The following CCDC183 variants were observed in gnomAD, a reference collection of about 807,000 sequenced individuals.
CCDC183 encodes the protein coiled-coil domain-containing protein 183.
A neutral mutation model predicts 65.2 loss-of-function variants in CCDC183; 63 were observed. The observed-to-expected ratio is 0.97, with a 90% CI of 0.79 to 1.19. The LOEUF (loss-of-function observed/expected upper bound fraction) is 1.19, where lower values mean the gene tolerates loss of function less well. CCDC183 is among the 50% of genes most tolerant of loss of function. The pLI is 0.00. For missense variants in CCDC183, 769 were observed against 689.3 expected, an observed-to-expected ratio of 1.12 and a Z score of -1.30; for synonymous variants, 323 against 276.5, an observed-to-expected ratio of 1.17 and a Z score of -1.67.
intron 6 of CCDC183, among the ~76,000 whole-genome samples, chr9:136,803,743 G>A (rs1847791043): frequency 6.6e-6 from 1 of 152,206 alleles, no homozygotes; most frequent in South Asian, 2.1e-4. Flanking sequence ...TAGGGAGGAG[G>A]AGGTACAACT....
intron 2 of CCDC183, 110 bp from the exon 3 acceptor site, chr9:136,799,603 G>T: frequency 1.1e-6 from 1 of 931,202 alleles, no homozygotes; most frequent in Non-Finnish European, 1.7e-6. Context: ...CAGGGATCTC[G>T]CTACTGGGCT....
chr9:136,797,849 C>G (rs1248761191), intron 1 of CCDC183, among the ~76,000 whole-genome samples: 1 of 152,116 alleles, frequency 6.6e-6, no homozygotes, highest in East Asian at 1.9e-4. Context: ...GAGACAGAGT[C>G]TCGCTCTGTC....
In CCDC183 at chr9:136,806,490, A is replaced by ATG; in HGVS notation, c.1110-13_1110-12insGT. 1 of 1,613,156 alleles carries ATG rather than the reference A, an allele frequency of 6.2e-7. No homozygotes were observed. The highest frequency in any genetic ancestry group is 1.1e-5 in the South Asian group (1 of 91,072). ...CTGTGCCCCTCACTGCTGTGTCCCT[A>ATG]TTGCCTTCTGCAGCTTCAAGTCCGT... On this transcript the variant is annotated splice_polypyrimidine_tract_variant and intron_variant, in intron 10 of 13. Transcript: ENST00000338005.
rs1035655769 is a variant in CCDC183, at chr9:136,804,379, T to C, written c.667-123T>C. 4 of 1,345,240 alleles carry C rather than the reference T, an allele frequency of 3.0e-6. No homozygotes were observed. The highest frequency in any genetic ancestry group is 2.9e-5 in the African/African-American group (2 of 68,222). 83.3% of individuals were successfully genotyped at this position (1,345,240 alleles called of 1,614,324 possible). A position where few individuals can be genotyped will look rare whatever the true frequency, so the allele number is the denominator to read the frequency against. On this transcript the variant is annotated intron_variant, in intron 6 of 13. Coordinates refer to ENST00000338005, the MANE Select transcript of CCDC183 (RefSeq NM_001039374.5). This position sits in a 1 kb window ranked among gnomAD's most constrained non-coding sequence, Gnocchi z 4.1. ...TGGTTTAGGAAAAGGGTGTGGCCAT[T>C]GGCCGGGGATGCAGTTCCAAAGTCT...
intron 8 of CCDC183, chr9:136,805,078 C>T: frequency 1.7e-6 from 1 of 593,640 alleles, no homozygotes; most frequent in Non-Finnish European, 3.0e-6. Context: ...AGCATCCTGA[C>T]CCCTAAGCTG....
rs537513519 is a variant in CCDC183, at chr9:136,798,764, G to C, written c.71-338G>C. Among the ~76,000 whole-genome samples the C allele has an allele frequency of 4.6e-5, 7 of 152,268 alleles. 1 individual carries two copies. The South Asian group carries it at 1.2e-3, about 27-fold the overall frequency. ...GGAGACGTGAGCATAAGAGCAACAC[G>C]GGCCCCAAAGCCAGAATGGACAGGA... On this transcript the variant is annotated intron_variant, in intron 1 of 13. Coordinates refer to ENST00000338005, the MANE Select transcript of CCDC183 (RefSeq NM_001039374.5).
chr9:136,799,421 C>T (rs1237846904), intron 2 of CCDC183, 198 bp downstream of exon 2: 6 of 945,348 alleles, frequency 6.3e-6, no homozygotes, highest in Non-Finnish European at 9.1e-6. Context: ...TTTCCCACCA[C>T]CCAACCCGAG....
chr9:136,803,306 TTG>T (rs1847780198), intron 6 of CCDC183, among the ~76,000 whole-genome samples: 1 of 152,044 alleles, frequency 6.6e-6, no homozygotes, highest in Admixed American at 6.5e-5. Flanking sequence ...GCGGGCTCTC[TTG>T]TGTCTTCTGG....
rs968069452 is a variant in CCDC183 at position 136,806,107 on chromosome 9, G to A, written c.978G>A (p.Arg326=). 1.2e-5 allele frequency: 19 copies of A among 1,552,766 alleles called. No homozygotes were observed. The highest frequency in any genetic ancestry group is 2.7e-5 in the African/African-American group (2 of 73,254). ...WDITSRFLAQ[R]NTEENLELQM... is the part of the protein sequence containing the mutation. ...TCACTAGCCGCTTCCTGGCCCAGAG[G>A]AACACGGAGGAGAACCTGGAGCTGC... Residue 326 remains arginine (R), a synonymous_variant, in exon 10 of 14, where the codon AGG becomes AGA. Transcript: ENST00000338005.
At chr9:136,805,183 C>T in intron 8 of CCDC183, 174 bp from the exon 9 acceptor site, 1 of 615,088 alleles carries the variant, frequency 1.6e-6, no homozygotes, top group Non-Finnish European at 2.9e-6. Flanking sequence ...GGCGTCCCTG[C>T]AGGGCTGGGC....
chr9:136,801,263 G>C (rs1424797408), intron 5 of CCDC183, among the ~76,000 whole-genome samples: 1 of 151,716 alleles, frequency 6.6e-6, no homozygotes, highest in Non-Finnish European at 1.5e-5. Flanking sequence ...CTTGGCCCCT[G>C]GTCCTATTGG....
chr9:136,801,328 CCT>C (rs1369861235), intron 5 of CCDC183, among the ~76,000 whole-genome samples: 1 of 151,916 alleles, frequency 6.6e-6, no homozygotes. Context: ...TCTCCCCACC[CCT>C]GTCCATGCCC....
At chr9:136,800,345 G>C (rs1467343492) in intron 4 of CCDC183, 44 bp from the exon 5 acceptor site, 2 of 1,542,868 alleles carry the variant, frequency 1.3e-6, no homozygotes, top group Non-Finnish European at 1.8e-6. Context: ...CCCTCCGGGC[G>C]GCCGGTCCCC....
Position 136,806,907 on chromosome 9 carries a change from C to G in CCDC183, c.1389+40C>G, listed in dbSNP as rs755406423. ...GGAGGAACCTGCACAGCCCACGTCC[C>G]CTCAAAGCTGACAGGCTCCCGTTCA... On this transcript the variant is annotated intron_variant, in intron 12 of 13. Coordinates refer to ENST00000338005, the MANE Select transcript of CCDC183 (RefSeq NM_001039374.5). 3 of 1,613,352 alleles carry G rather than the reference C, an allele frequency of 1.9e-6. No individual in the cohort carries two copies. In the South Asian group the frequency reaches 3.3e-5, roughly 18 times the overall value.
At chr9:136,807,112 A>C (rs761344893) in intron 13 of CCDC183, 46 bp downstream of exon 13, 2 of 1,587,684 alleles carry the variant, frequency 1.3e-6, no homozygotes, top group Non-Finnish European at 1.7e-6. Context: ...GGGTGGCTGG[A>C]ACACAGGTCG....
rs1218917144 is a variant in CCDC183, at chr9:136,799,691, C to T, written c.193-22C>T. ...CGGGTGCGCAAAGGGCCCGCTCTAG[C>T]TCAGCCGCCGCCGCTCCGCAGTATG... On this transcript the variant is annotated intron_variant, in intron 2 of 13. Coordinates refer to ENST00000338005, the MANE Select transcript of CCDC183 (RefSeq NM_001039374.5). The T allele has an allele frequency of 3.7e-6, 6 of 1,609,710 alleles. No homozygotes were observed. The Admixed American group carries it at 5.0e-5, about 13-fold the overall frequency.
In CCDC183 at chr9:136,807,260, C is replaced by G. The variant is rs547932378; in HGVS notation, c.1486+194C>G. On this transcript the variant is annotated intron_variant, in intron 13 of 13. Transcript: ENST00000338005. ...TGGGGAGGCTAAAGCCACTGAAATA[C>G]CTTGTTAATTTCTCCGAAAGGAGGA... The G allele has an allele frequency of 5.3e-5, 34 of 644,574 alleles. 1 individual carries two copies. The South Asian group carries it at 5.9e-4, about 11-fold the overall frequency. The allele number at this position is 644,574 out of a possible 1,614,324, so 39.9% of individuals were successfully genotyped here.
rs776848585 is a variant in CCDC183, at chr9:136,807,077, C to A, written c.1486+11C>A. The A allele has an allele frequency of 1.2e-5, 20 of 1,612,036 alleles. No homozygotes were observed. Among genetic ancestry groups the A allele is most frequent in the Non-Finnish European group, 1.6e-5 (19 of 1,179,600 alleles). ...AGGAGGATATGATCGGTACAGGCCCCGGAACTGGGGCCCGGGCTGCAGGCG... is the reference window on the plus strand; with the variant it reads ...AGGAGGATATGATCGGTACAGGCCCAGGAACTGGGGCCCGGGCTGCAGGCG... On this transcript the variant is annotated intron_variant, in intron 13 of 13. Transcript: ENST00000338005.
chr9:136,804,886 CG>C lies in CCDC183; in HGVS notation c.847+72del. The C allele has an allele frequency of 1.5e-6, 2 of 1,366,970 alleles. No homozygotes were observed. The highest frequency in any genetic ancestry group is 2.4e-5 in the South Asian group (2 of 84,606). The allele number at this position is 1,366,970 out of a possible 1,614,324, so 84.7% of individuals were successfully genotyped here. ...AGAGGCTGGCACTGATTCAGGCCAA[CG>C]GATCAAGTCACCCTGAGGCCAGGTG... On this transcript the variant is annotated intron_variant, in intron 8 of 13. Coordinates refer to ENST00000338005, the MANE Select transcript of CCDC183 (RefSeq NM_001039374.5). The surrounding 1 kb of genome is among the most constrained non-coding windows in gnomAD (Gnocchi z 4.1).
Sources: allele counts gnomAD v4.1 joint callset (sites outside exome capture counted in the v4.1 genomes callset), GRCh38; gene constraint gnomAD v4.1.1; non-coding constraint Gnocchi (gnomAD v3.1); transcripts MANE v1.5; gene names NCBI Gene and HGNC (gene_info 2026-07-23, HGNC 2026-07-21).